The following CNOT2 variants were observed in gnomAD, a reference collection of about 807,000 sequenced individuals.
CNOT2 encodes CCR4-NOT transcription complex subunit 2.
A neutral mutation model predicts 72.1 loss-of-function variants in CNOT2; 7 were observed. The observed-to-expected ratio is 0.10, with a 90% CI of 0.06 to 0.18. The LOEUF (loss-of-function observed/expected upper bound fraction) is 0.18, where lower values mean the gene tolerates loss of function less well. CNOT2 is among the 10% of genes least tolerant of loss of function. The probability of loss-of-function intolerance (pLI) is 1.00; values close to 1 mark genes in which losing one functional copy is unlikely to be tolerated. For missense variants in CNOT2, 345 were observed against 660.3 expected (o/e 0.52, Z 5.23); for synonymous variants, 196 against 225.6 (o/e 0.87, Z 1.17).
intron 1 of CNOT2, among the ~76,000 whole-genome samples, chr12:70,247,788 A>G (rs139805600): frequency 2.6e-5 from 4 of 152,334 alleles, no homozygotes; most frequent in African/African-American, 9.6e-5. Context: ...CTCAATACGT[A>G]TCTATTAAAC....
chr12:70,354,028 C>T lies in CNOT2; in HGVS notation c.*113C>T, dbSNP rs76342799. 6.9e-7 allele frequency: 1 copy of T among 1,442,616 alleles called. No individual in the cohort carries two copies. The highest frequency in any genetic ancestry group is 9.1e-7 in the Non-Finnish European group (1 of 1,097,404). 89.4% of individuals were successfully genotyped at this position (1,442,616 alleles called of 1,614,324 possible). Reference sequence around the variant, plus strand: ...TGGCTCAGGCACCCTGGTTTTAATTCCTTGAGGATCTGGCAATTGGCTTAC... The same window carrying T: ...TGGCTCAGGCACCCTGGTTTTAATTTCTTGAGGATCTGGCAATTGGCTTAC... On this transcript the variant is annotated 3_prime_UTR_variant, in exon 16 of 16. Coordinates refer to ENST00000229195, the MANE Select transcript of CNOT2 (RefSeq NM_014515.7).
At chr12:70,312,249 T>A (rs369651548) in intron 3 of CNOT2, among the ~76,000 whole-genome samples, 17 of 152,114 alleles carry the variant, frequency 1.1e-4, no homozygotes, top group African/African-American at 3.8e-4. Context: ...TATTTAAGTA[T>A]TGACCTTGTA....
chr12:70,317,144 TTG>T (rs1196084025), intron 3 of CNOT2, among the ~76,000 whole-genome samples: 4 of 152,124 alleles, frequency 2.6e-5, no homozygotes, highest in Non-Finnish European at 5.9e-5. Context: ...GATGGTTGAT[TTG>T]TATTACTATT....
chr12:70,272,199 T>C (rs1301801496), intron 1 of CNOT2, among the ~76,000 whole-genome samples: 1 of 152,242 alleles, frequency 6.6e-6, no homozygotes, highest in Non-Finnish European at 1.5e-5. Flanking sequence ...GTATCTGTTA[T>C]GTATCACTTA....
chr12:70,292,733 C>A (rs1303829056), intron 2 of CNOT2, among the ~76,000 whole-genome samples: 1 of 152,174 alleles, frequency 6.6e-6, no homozygotes, highest in Non-Finnish European at 1.5e-5. Flanking sequence ...CGTTTGATTT[C>A]TGATGTTCTT....
intron 13 of CNOT2, 53 bp downstream of exon 13, chr12:70,342,360 CAT>C (rs1881622987): frequency 1.6e-5 from 25 of 1,597,280 alleles, no homozygotes; most frequent in South Asian, 6.8e-5. Flanking sequence ...CTATTTTTCA[CAT>C]GTTTTTCAGT....
chr12:70,335,729 T>C, intron 8 of CNOT2, 166 bp downstream of exon 8: 1 of 453,078 alleles, frequency 2.2e-6, no homozygotes, highest in Non-Finnish European at 3.9e-6. Context: ...TAGAAGTGAT[T>C]TTTCTTCCCA....
At chr12:70,347,202 T>G (rs1882286846) in intron 15 of CNOT2, among the ~76,000 whole-genome samples, 1 of 152,122 alleles carries the variant, frequency 6.6e-6, no homozygotes, top group African/African-American at 2.4e-5. Context: ...AGTTGTCAAT[T>G]TGTTTTTTTG....
chr12:70,308,666 G>T (rs1048184564), intron 2 of CNOT2, among the ~76,000 whole-genome samples: 1 of 150,536 alleles, frequency 6.6e-6, no homozygotes, highest in African/African-American at 2.5e-5. Flanking sequence ...ATTTTCTTTC[G>T]TCTGGAACAT....
At chr12:70,281,741 G>C (rs1039015981) in intron 2 of CNOT2, among the ~76,000 whole-genome samples, 1 of 152,086 alleles carries the variant, frequency 6.6e-6, no homozygotes. Context: ...ATACATTGTA[G>C]TTGTGTTTAT....
chr12:70,301,217 TCTC>T (rs2135914242), intron 2 of CNOT2, among the ~76,000 whole-genome samples: 1 of 152,300 alleles, frequency 6.6e-6, no homozygotes, highest in East Asian at 1.9e-4. Flanking sequence ...TTTATTTCCT[TCTC>T]CTGCCTGATT....
intron 2 of CNOT2, among the ~76,000 whole-genome samples, chr12:70,308,671 G>A (rs1875917306): frequency 6.6e-6 from 1 of 150,918 alleles, no homozygotes. Context: ...CTTTCGTCTG[G>A]AACATATGTT....
Position 70,282,519 on chromosome 12 carries a change from T to C in CNOT2, c.48+4245T>C, listed in dbSNP as rs145918433. On this transcript the variant is annotated intron_variant, in intron 2 of 15. Coordinates refer to ENST00000229195, the MANE Select transcript of CNOT2 (RefSeq NM_014515.7). ...TTGAAGAAAAATACGGAATATAAAATACAGTGTGAAAGTTTGCCTTGACAA... is the reference window on the plus strand; with the variant it reads ...TTGAAGAAAAATACGGAATATAAAACACAGTGTGAAAGTTTGCCTTGACAA... Among the ~76,000 whole-genome samples the C allele has an allele frequency of 4.3e-3, 659 of 152,262 alleles. 2 individuals are homozygous for C. Among genetic ancestry groups the C allele is most frequent in the Non-Finnish European group, 7.3e-3 (498 of 68,004 alleles).
At chr12:70,299,309 G>A (rs1873410826) in intron 2 of CNOT2, among the ~76,000 whole-genome samples, 1 of 151,948 alleles carries the variant, frequency 6.6e-6, no homozygotes, top group Non-Finnish European at 1.5e-5. Flanking sequence ...GGCCATGTTG[G>A]TGTGCTGCAC....
At chr12:70,270,659 T>C (rs1350450801) in intron 1 of CNOT2, among the ~76,000 whole-genome samples, 1 of 152,168 alleles carries the variant, frequency 6.6e-6, no homozygotes, top group African/African-American at 2.4e-5. Flanking sequence ...TACACTTAAC[T>C]GACCCACTCT....
intron 1 of CNOT2, chr12:70,243,735 C>G (rs1239125280): frequency 6.6e-6 from 1 of 151,624 alleles, no homozygotes; most frequent in African/African-American, 2.4e-5. Flanking sequence ...TGGTGGTGGA[C>G]CGGACGTAAA....
intron 15 of CNOT2, chr12:70,347,746 T>C (rs548583985): frequency 6.6e-6 from 1 of 152,296 alleles, no homozygotes; most frequent in Admixed American, 6.5e-5. Flanking sequence ...TCTTTACTTC[T>C]CAGACCAAGT....
At chr12:70,307,397 TTTG>T (rs1037610019) in intron 2 of CNOT2, among the ~76,000 whole-genome samples, 2 of 152,180 alleles carry the variant, frequency 1.3e-5, no homozygotes, top group South Asian at 2.1e-4. Context: ...TTTAGATGTT[TTTG>T]TTTTGTTGAA....
At chr12:70,314,521 C>T (rs1213511799) in intron 3 of CNOT2, among the ~76,000 whole-genome samples, 1 of 151,938 alleles carries the variant, frequency 6.6e-6, no homozygotes, top group Admixed American at 6.6e-5. Flanking sequence ...GTAAACATTC[C>T]TTGAGTCAGT....
Sources: allele counts gnomAD v4.1 joint callset (sites outside exome capture counted in the v4.1 genomes callset), GRCh38; gene constraint gnomAD v4.1.1; transcripts MANE v1.5; gene names NCBI Gene and HGNC (gene_info 2026-07-23, HGNC 2026-07-21).